The following PLPP1 variants were observed in gnomAD, a reference collection of about 807,000 sequenced individuals.
PLPP1 encodes the protein lipid phosphate phosphohydrolase 1a.
Under a neutral mutation model 31.2 loss-of-function variants are expected in PLPP1, and 24 were observed. That is an observed-to-expected ratio of 0.77 (90% CI 0.56 to 1.08). The LOEUF (loss-of-function observed/expected upper bound fraction) is 1.08. PLPP1 is among the 50% of genes least tolerant of loss of function. The pLI, the probability that PLPP1 is intolerant of heterozygous loss-of-function variation, is 0.00. For synonymous variants in PLPP1, 146 were observed against 126.3 expected (o/e 1.16, Z -1.05); for missense variants, 319 against 342.7 (o/e 0.93, Z 0.55).
At chr5:55,493,984 A>T (rs906910936) in intron 1 of PLPP1, among the ~76,000 whole-genome samples, 9 of 152,160 alleles carry the variant, frequency 5.9e-5, no homozygotes, top group African/African-American at 2.2e-4. Context: ...ATTCGAGGCT[A>T]CGGTGAGCCA....
rs147816449 is a variant in PLPP1 at position 55,506,872 on chromosome 5, A to T, written c.58+27700T>A. ...ATAAAATTTTTTTTGGCTCTTTACT[A>T]CTTTGTTACCTGAGCAGTTTTCAGA... is the stretch of plus-strand genomic sequence containing the variant. On this transcript the variant is annotated intron_variant, in intron 1 of 5. Transcript: ENST00000307259. 3.9e-5 allele frequency among the ~76,000 whole-genome samples: 6 copies of T among 152,260 alleles called. No individual in the cohort carries two copies. In the East Asian group the frequency reaches 1.2e-3, roughly 29 times the overall value.
At chr5:55,486,458 C>A (rs1295179759) in intron 1 of PLPP1, among the ~76,000 whole-genome samples, 2 of 151,774 alleles carry the variant, frequency 1.3e-5, no homozygotes, top group Non-Finnish European at 2.9e-5. Flanking sequence ...TGGTGGCACA[C>A]GCCTGTAGTC....
intron 4 of PLPP1, among the ~76,000 whole-genome samples, chr5:55,435,221 G>C (rs1161982390): frequency 6.6e-6 from 1 of 152,016 alleles, no homozygotes; most frequent in Admixed American, 6.5e-5. Context: ...TTATTAAAAA[G>C]ACCAAAAAAA....
At position 55,508,161 on chromosome 5, in the gene PLPP1, T is replaced by C. The variant is rs561590952; in HGVS notation, c.58+26411A>G. On this transcript the variant is annotated intron_variant, in intron 1 of 5. Transcript: ENST00000307259. ...GCATGAGCCACCATGCCTGGTCTAA[T>C]AATTCTTGACAGAAGGCCATGCCCA... 5.7e-4 allele frequency among the ~76,000 whole-genome samples: 87 copies of C among 152,300 alleles called. 1 individual carries two copies. In the South Asian group the frequency reaches 0.017, roughly 31 times the overall value.
rs766004215 is a variant in PLPP1, at chr5:55,425,352, T to C, written c.727-18A>G. ...TATACAGCCTACAGTGCAAAATATT[T>C]AATGGTATAATTTAGATCAAGTTAA... is the stretch of plus-strand genomic sequence containing the variant. On this transcript the variant is annotated intron_variant, in intron 5 of 5. Coordinates refer to ENST00000307259, the MANE Select transcript of PLPP1 (RefSeq NM_003711.4). 6 of 1,573,296 alleles carry C rather than the reference T, an allele frequency of 3.8e-6. No homozygotes were observed. Among genetic ancestry groups the C allele is most frequent in the Non-Finnish European group, 5.2e-6 (6 of 1,151,974 alleles).
intron 1 of PLPP1, among the ~76,000 whole-genome samples, chr5:55,500,434 G>A (rs968132125): frequency 6.6e-6 from 1 of 152,040 alleles, no homozygotes; most frequent in Non-Finnish European, 1.5e-5. Context: ...AAAAACATAT[G>A]ACCAACTTCT....
intron 1 of PLPP1, among the ~76,000 whole-genome samples, chr5:55,517,877 C>T (rs1753584753): frequency 1.3e-5 from 2 of 152,118 alleles, no homozygotes; most frequent in African/African-American, 4.8e-5. Flanking sequence ...GACATTGTTT[C>T]ACTCTAGCTG....
intron 4 of PLPP1, among the ~76,000 whole-genome samples, chr5:55,438,371 A>G (rs1470067161): frequency 6.6e-6 from 1 of 152,220 alleles, no homozygotes; most frequent in Non-Finnish European, 1.5e-5. Flanking sequence ...GCAGGGCTGC[A>G]CTGGCTGCCA....
intron 4 of PLPP1, among the ~76,000 whole-genome samples, chr5:55,436,017 G>T: frequency 8.7e-6 from 1 of 114,886 alleles, no homozygotes; most frequent in Admixed American, 8.6e-5. Context: ...CTGTCTCAGA[G>T]AAAAAAAAAA....
intron 3 of PLPP1, among the ~76,000 whole-genome samples, chr5:55,458,376 T>G (rs565955017): frequency 6.6e-6 from 1 of 152,142 alleles, no homozygotes; most frequent in Non-Finnish European, 1.5e-5. Context: ...AATAATAAAC[T>G]AATACATATA....
At chr5:55,473,565 T>C (rs1752467828) in intron 2 of PLPP1, among the ~76,000 whole-genome samples, 1 of 152,042 alleles carries the variant, frequency 6.6e-6, no homozygotes, top group Admixed American at 6.6e-5. Context: ...TAAAATAAAC[T>C]CCAAAAACAG....
intron 1 of PLPP1, among the ~76,000 whole-genome samples, chr5:55,529,417 C>T (rs986352533): frequency 1.3e-5 from 2 of 152,038 alleles, no homozygotes; most frequent in African/African-American, 2.4e-5. Context: ...GAAATACTGG[C>T]TACTGAAAAT....
intron 1 of PLPP1, chr5:55,508,956 G>A (rs1180162688): frequency 6.5e-6 from 1 of 154,048 alleles, no homozygotes; most frequent in African/African-American, 2.4e-5. Context: ...GCTTTTAATA[G>A]AGTAGAAAAA....
intron 3 of PLPP1, among the ~76,000 whole-genome samples, chr5:55,442,109 G>A (rs1751634876): frequency 6.6e-6 from 1 of 152,108 alleles, no homozygotes; most frequent in South Asian, 2.1e-4. Context: ...TCTCTATACA[G>A]TATCATTTTA....
intron 1 of PLPP1, among the ~76,000 whole-genome samples, chr5:55,476,175 GTT>G (rs1480430396): frequency 2.0e-5 from 3 of 150,534 alleles, no homozygotes; most frequent in African/African-American, 4.9e-5. Flanking sequence ...GTTTTTTTTT[GTT>G]TTTTGTTTGT....
In PLPP1 at chr5:55,534,770, A is replaced by C; in HGVS notation, c.-141T>G. The C allele has an allele frequency of 1.1e-6, 1 of 898,092 alleles. No individual in the cohort carries two copies. The allele number at this position is 898,092 out of a possible 1,614,324, so 55.6% of individuals were successfully genotyped here. On this transcript the variant is annotated 5_prime_UTR_variant, in exon 1 of 6. Transcript: ENST00000307259. ...CCCAGCCGGAGGAGGAGAGCAGCCGAGGGCGGGCTGAGACCGGGCGGCGCT... is the reference window on the plus strand; with the variant it reads ...CCCAGCCGGAGGAGGAGAGCAGCCGCGGGCGGGCTGAGACCGGGCGGCGCT...
chr5:55,519,871 TA>T (rs1364409739), intron 1 of PLPP1, among the ~76,000 whole-genome samples: 1 of 152,190 alleles, frequency 6.6e-6, no homozygotes, highest in East Asian at 1.9e-4. Flanking sequence ...CAGAATACTA[TA>T]AATGACTGTA....
chr5:55,426,134 T>C (rs1008720616), intron 4 of PLPP1, 95 bp from the exon 5 acceptor site: 42 of 1,084,092 alleles, frequency 3.9e-5, no homozygotes, highest in Non-Finnish European at 5.3e-5. Context: ...ATTATCAAAG[T>C]ATTATTATAT....
intron 3 of PLPP1, among the ~76,000 whole-genome samples, chr5:55,450,155 G>C (rs2111735636): frequency 6.6e-6 from 1 of 152,244 alleles, no homozygotes; most frequent in Admixed American, 6.5e-5. Context: ...TACATAGAGA[G>C]ACACATACCC....
Sources: gnomAD v4.1 joint callset for allele counts (sites outside exome capture counted in the v4.1 genomes callset) on GRCh38, gnomAD v4.1.1 for gene constraint, MANE v1.5 for transcripts, NCBI Gene and HGNC (gene_info 2026-07-23, HGNC 2026-07-21) for gene names.